FUT9: variants seen among roughly 807,000 people sequenced by gnomAD.
The protein encoded by FUT9 is fucosyltransferase 9.
Under a neutral mutation model 29.7 loss-of-function variants are expected in FUT9, and 15 were observed. The ratio of observed to expected loss-of-function variants is 0.51; its 90% CI spans 0.34 to 0.78. The LOEUF (loss-of-function observed/expected upper bound fraction) is 0.78. Among genes scored for constraint, FUT9 ranks in the 30% least tolerant of loss-of-function variants. FUT9 has a pLI of 0.01. For synonymous variants in FUT9, 169 were observed against 153.7 expected, an observed-to-expected ratio of 1.10 and a Z score of -0.74; for missense variants, 319 against 425.4, an observed-to-expected ratio of 0.75 and a Z score of 2.20.
chr6:96,063,699 T>C (rs1347231754), intron 1 of FUT9, among the ~76,000 whole-genome samples: 3 of 152,102 alleles, frequency 2.0e-5, no homozygotes, highest in Non-Finnish European at 2.9e-5. Context: ...CATTGCAGGG[T>C]CATGGATGGA....
chr6:96,071,573 A>G (rs966287824), intron 1 of FUT9, among the ~76,000 whole-genome samples: 5 of 152,164 alleles, frequency 3.3e-5, no homozygotes, highest in Non-Finnish European at 7.3e-5. Context: ...TGAAGCTTAA[A>G]TGTCGTTTTA....
chr6:96,084,139 A>C (rs776821447), intron 1 of FUT9, among the ~76,000 whole-genome samples: 2 of 152,096 alleles, frequency 1.3e-5, no homozygotes, highest in Non-Finnish European at 2.9e-5. Context: ...GGAACTTTGA[A>C]AATTAAAACA....
chr6:96,018,619 G>A (rs965095167), intron 1 of FUT9, among the ~76,000 whole-genome samples: 6 of 151,984 alleles, frequency 3.9e-5, no homozygotes, highest in Non-Finnish European at 8.8e-5. Flanking sequence ...ATAATTATAT[G>A]CCACCTAGAG....
At chr6:96,145,890 AG>A (rs1333001964) in intron 2 of FUT9, among the ~76,000 whole-genome samples, 2 of 151,996 alleles carry the variant, frequency 1.3e-5, no homozygotes, top group Non-Finnish European at 2.9e-5. Flanking sequence ...TTTTGAGGTA[AG>A]GTCTCACTCT....
intron 1 of FUT9, among the ~76,000 whole-genome samples, chr6:96,060,614 G>A (rs1770857755): frequency 6.6e-6 from 1 of 151,142 alleles, no homozygotes; most frequent in African/African-American, 2.4e-5. Context: ...TGAGCTCACT[G>A]CAACCTCTGC....
intron 1 of FUT9, among the ~76,000 whole-genome samples, 167 bp from the exon 2 acceptor site, chr6:96,113,870 AAT>A (rs1463290671): frequency 6.8e-6 from 1 of 147,026 alleles, no homozygotes; most frequent in South Asian, 2.2e-4. Context: ...AAAAAAAAAA[AAT>A]TTAACAGAAA....
intron 1 of FUT9, among the ~76,000 whole-genome samples, chr6:96,050,975 C>T (rs1770655960): frequency 6.6e-6 from 1 of 151,070 alleles, no homozygotes; most frequent in Admixed American, 6.6e-5. Flanking sequence ...ATATATTGTC[C>T]AGGCATTTGT....
At chr6:96,154,212 A>G (rs1252938502) in intron 2 of FUT9, among the ~76,000 whole-genome samples, 1 of 152,242 alleles carries the variant, frequency 6.6e-6, no homozygotes, top group Non-Finnish European at 1.5e-5. Context: ...AAAGTTGGAT[A>G]TTAGCAAAAG....
chr6:96,168,894 A>G (rs1773061156), intron 2 of FUT9, among the ~76,000 whole-genome samples: 1 of 152,222 alleles, frequency 6.6e-6, no homozygotes, highest in Non-Finnish European at 1.5e-5. Flanking sequence ...TTACTGTACA[A>G]ATCAAGGAAT....
chr6:96,188,629 A>AG lies in FUT9; in HGVS notation c.-8-14518dup, dbSNP rs1773446504. ...TTGGAACCATGCTTGGCATATAGAA[A>AG]GAAATATATATATATGTGTGTGTGT... On this transcript the variant is annotated intron_variant, in intron 2 of 2. Coordinates refer to ENST00000302103, the MANE Select transcript of FUT9 (RefSeq NM_006581.4). Among the ~76,000 whole-genome samples, 4 of 65,040 alleles carry AG rather than the reference A, an allele frequency of 6.2e-5. No individual in the cohort carries two copies. The South Asian group carries it at 3.4e-3, about 55-fold the overall frequency. The allele number at this position is 65,040 out of a possible 152,430, so 42.7% of individuals were successfully genotyped here. A position where few individuals can be genotyped will look rare whatever the true frequency, so the allele number is the denominator to read the frequency against.
intron 1 of FUT9, among the ~76,000 whole-genome samples, chr6:96,085,517 T>C (rs1160187051): frequency 4.6e-5 from 7 of 152,196 alleles, no homozygotes; most frequent in Admixed American, 4.6e-4. Context: ...GTTTAGGATT[T>C]CAACATTTTT....
intron 1 of FUT9, among the ~76,000 whole-genome samples, chr6:96,046,597 T>C (rs183784591): frequency 1.4e-4 from 21 of 152,306 alleles, no homozygotes; most frequent in African/African-American, 5.1e-4. Flanking sequence ...CTATGGACAA[T>C]GATTTTCTTC....
intron 2 of FUT9, among the ~76,000 whole-genome samples, chr6:96,130,956 T>C (rs1347492742): frequency 1.3e-5 from 2 of 152,160 alleles, no homozygotes; most frequent in Non-Finnish European, 2.9e-5. Context: ...GAGGAATCAG[T>C]ACACCATAGT....
chr6:96,155,446 T>C (rs557542656), intron 2 of FUT9, among the ~76,000 whole-genome samples: 3 of 151,990 alleles, frequency 2.0e-5, no homozygotes, highest in African/African-American at 7.2e-5. Context: ...GATGTCCCTA[T>C]AAGAAAAGCA....
At chr6:96,171,086 G>T (rs1053751153) in intron 2 of FUT9, among the ~76,000 whole-genome samples, 1 of 152,168 alleles carries the variant, frequency 6.6e-6, no homozygotes. Context: ...GTGCAGAACA[G>T]GGCAAGTGAA....
chr6:96,171,671 C>G (rs1244673937), intron 2 of FUT9, among the ~76,000 whole-genome samples: 1 of 152,120 alleles, frequency 6.6e-6, no homozygotes, highest in Non-Finnish European at 1.5e-5. Flanking sequence ...ATAGTGATAT[C>G]TTTAACCTAA....
chr6:96,143,730 C>T (rs756922121), intron 2 of FUT9, among the ~76,000 whole-genome samples: 2 of 152,050 alleles, frequency 1.3e-5, no homozygotes, highest in South Asian at 2.1e-4. Context: ...AATATAAAAT[C>T]GTTGGGTGGA....
Position 96,205,550 on chromosome 6 carries a change from A to C in FUT9, c.*1315A>C, listed in dbSNP as rs535337478. On this transcript the variant is annotated 3_prime_UTR_variant, in exon 3 of 3. Transcript: ENST00000302103. ...AACCTACCATTACATGAAAATTTTG[A>C]AGAGTATATTCCTGAACTTGCAGCT... 6.0e-6 allele frequency: 1 copy of C among 167,120 alleles called. No homozygotes were observed. The highest frequency in any genetic ancestry group is 1.9e-4 in the East Asian group (1 of 5,176). 10.4% of individuals were successfully genotyped at this position (167,120 alleles called of 1,614,324 possible).
At chr6:96,031,340 C>G (rs1356554345) in intron 1 of FUT9, among the ~76,000 whole-genome samples, 1 of 151,384 alleles carries the variant, frequency 6.6e-6, no homozygotes. Flanking sequence ...TCATCTTAAT[C>G]TAAACTTAAC....
Sources: gnomAD v4.1 joint callset for allele counts (sites outside exome capture counted in the v4.1 genomes callset) on GRCh38, gnomAD v4.1.1 for gene constraint, MANE v1.5 for transcripts, NCBI Gene and HGNC (gene_info 2026-07-23, HGNC 2026-07-21) for gene names.